Variants in CCDC169 observed in about 807,000 individuals in gnomAD.
CCDC169 encodes coiled-coil domain-containing protein 169.
Under a neutral mutation model 36.0 loss-of-function variants are expected in CCDC169, and 30 were observed. The ratio of observed to expected loss-of-function variants is 0.83; its 90% CI spans 0.62 to 1.13. CCDC169 has a LOEUF of 1.13. CCDC169 is among the 50% of genes most tolerant of loss of function. CCDC169 has a pLI of 0.00. For missense variants in CCDC169, 245 were observed against 245.9 expected (o/e 1.00, Z 0.03); for synonymous variants, 85 against 81.5 (o/e 1.04, Z -0.23).
downstream of CCDC169, chr13:36,225,651 A>C (rs1303903469): frequency 6.6e-6 from 1 of 152,198 alleles, no homozygotes; most frequent in Admixed American, 6.5e-5. Context: ...GAGTAAACAG[A>C]AAACCTACAG....
chr13:36,233,840 C>CA (rs1319545858), intron 7 of CCDC169, among the ~76,000 whole-genome samples: 1 of 152,154 alleles, frequency 6.6e-6, no homozygotes, highest in Non-Finnish European at 1.5e-5. Context: ...TTTAAAATGT[C>CA]AGTCTCTTGG....
intron 4 of CCDC169, among the ~76,000 whole-genome samples, chr13:36,273,051 TTCCTCA>T (rs1248667341): frequency 6.6e-6 from 1 of 152,206 alleles, no homozygotes; most frequent in Admixed American, 6.5e-5. Flanking sequence ...CTGTTGTTGT[TTCCTCA>T]ACTTCTATCA....
intron 4 of CCDC169, among the ~76,000 whole-genome samples, chr13:36,260,238 A>G (rs1874451688): frequency 6.6e-6 from 1 of 152,206 alleles, no homozygotes; most frequent in Middle Eastern, 3.2e-3. Flanking sequence ...GAGGGTAAAC[A>G]ATTATTATAT....
At position 36,231,233 on chromosome 13, in the gene CCDC169, T is replaced by G. The variant is rs780039653; in HGVS notation, c.605A>C (p.Lys202Thr). 12 of 1,551,378 alleles carry G rather than the reference T, an allele frequency of 7.7e-6. 1 individual carries two copies. The South Asian group carries it at 1.4e-4, about 18-fold the overall frequency. ...TGGAAGATGGTTTGGTCTTGTAATCTTTTTTACTGGTCCTCTCTTGGCACT... is the reference window on the plus strand; with the variant it reads ...TGGAAGATGGTTTGGTCTTGTAATCGTTTTTACTGGTCCTCTCTTGGCACT... The part of the protein sequence containing the change: ...TVSAKRGPVK[K>T]ITRPNHLPEL... The change falls in exon 8 of 8, where the codon AAG (lysine) becomes ACG (threonine). Residue 202 changes from lysine to threonine, a missense_variant. Physicochemically the swap from Lys to Thr is moderately conservative, Grantham distance 78. Coordinates refer to ENST00000239859, the MANE Select transcript of CCDC169 (RefSeq NM_001144981.3).
chr13:36,241,877 C>T (rs1359550597), intron 7 of CCDC169, among the ~76,000 whole-genome samples: 1 of 152,082 alleles, frequency 6.6e-6, no homozygotes, highest in African/African-American at 2.4e-5. Context: ...GGGGGAGTGA[C>T]CCAGTGGGAG....
downstream of CCDC169, chr13:36,223,190 T>C (rs937163183): frequency 3.3e-5 from 5 of 152,232 alleles, no homozygotes; most frequent in African/African-American, 1.2e-4. Context: ...ATATATTTTA[T>C]GGAGTTATTT....
At chr13:36,229,418 T>A (rs1870179623), downstream of CCDC169, among the ~76,000 whole-genome samples, 1 of 152,152 alleles carries the variant, frequency 6.6e-6, no homozygotes, top group African/African-American at 2.4e-5. Context: ...GATGTTCAAC[T>A]GATATTTTAT....
downstream of CCDC169, among the ~76,000 whole-genome samples, chr13:36,230,554 G>C (rs1870305048): frequency 6.6e-6 from 1 of 152,180 alleles, no homozygotes; most frequent in African/African-American, 2.4e-5. Context: ...CCTTATGATT[G>C]AATAAATATT....
chr13:36,272,646 A>G (rs568470124), intron 4 of CCDC169, among the ~76,000 whole-genome samples: 2 of 152,132 alleles, frequency 1.3e-5, no homozygotes, highest in Non-Finnish European at 2.9e-5. Context: ...CTCCTACCCC[A>G]TAAGGTTTAA....
intron 4 of CCDC169, among the ~76,000 whole-genome samples, chr13:36,255,412 C>T (rs1345006562): frequency 6.6e-6 from 1 of 152,158 alleles, no homozygotes; most frequent in East Asian, 1.9e-4. Context: ...ACCTGTAATC[C>T]CAGCACTTTG....
At chr13:36,257,487 C>T (rs941546471) in intron 4 of CCDC169, among the ~76,000 whole-genome samples, 8 of 124,150 alleles carry the variant, frequency 6.4e-5, no homozygotes, top group Non-Finnish European at 1.0e-4. Context: ...AGGCAGATCA[C>T]GAGGTCAAGA....
intron 2 of CCDC169, among the ~76,000 whole-genome samples, chr13:36,286,405 A>C (rs1000257822): frequency 3.9e-5 from 6 of 152,164 alleles, no homozygotes; most frequent in African/African-American, 1.4e-4. Flanking sequence ...CAGTGAAACT[A>C]TATGAGCATT....
At chr13:36,293,684 C>T (rs1879166677) in intron 2 of CCDC169, among the ~76,000 whole-genome samples, 1 of 152,116 alleles carries the variant, frequency 6.6e-6, no homozygotes, top group African/African-American at 2.4e-5. Context: ...GCAGCCCTAG[C>T]TGAGCTTCCA....
chr13:36,246,631 C>T (rs1872530229), intron 7 of CCDC169, among the ~76,000 whole-genome samples: 1 of 152,302 alleles, frequency 6.6e-6, no homozygotes. Context: ...TGATGTCACA[C>T]CTGTTGCTGC....
At chr13:36,287,292 A>G (rs1878368917) in intron 2 of CCDC169, among the ~76,000 whole-genome samples, 1 of 152,184 alleles carries the variant, frequency 6.6e-6, no homozygotes. Context: ...ATAAAAAATA[A>G]CAAGGGTAAA....
chr13:36,265,075 T>A (rs908760680), intron 4 of CCDC169, among the ~76,000 whole-genome samples: 3 of 152,340 alleles, frequency 2.0e-5, no homozygotes. Context: ...ATTTGTCTAT[T>A]CTTCCTCCAG....
In CCDC169 at chr13:36,283,469, C is replaced by T. The variant is rs1223528442; in HGVS notation, c.315G>A (p.Val105=). The stretch of plus-strand genomic sequence containing the variant: ...TGTGTTTAATCACATTTCTACTCAC[C>T]ACTGGCATTCGTTCATAGACACGAA... ...SSIRVYERMP[V]ESLNTLLKQL... Residue 105 remains valine (V), a splice_region_variant and synonymous_variant, in exon 4 of 8, where the codon GTG becomes GTA. Transcript: ENST00000239859. 12 of 1,548,320 alleles carry T rather than the reference C, an allele frequency of 7.8e-6. No individual in the cohort carries two copies. Among genetic ancestry groups the T allele is most frequent in the Non-Finnish European group, 1.0e-5 (12 of 1,144,584 alleles).
chr13:36,234,099 A>G (rs1566058190), intron 7 of CCDC169, among the ~76,000 whole-genome samples: 1 of 152,098 alleles, frequency 6.6e-6, no homozygotes, highest in African/African-American at 2.4e-5. Context: ...TGCTCCCAAA[A>G]CCTTTTTTAA....
In CCDC169 at chr13:36,230,938, G is replaced by A; in HGVS notation, c.*255C>T. 8.4e-7 allele frequency: 1 copy of A among 1,186,478 alleles called. No homozygotes were observed. Among genetic ancestry groups the A allele is most frequent in the Non-Finnish European group, 1.0e-6 (1 of 957,436 alleles). The allele number at this position is 1,186,478 out of a possible 1,614,324, so 73.5% of individuals were successfully genotyped here. ...CATGGGTATATTATTGAAAGCAAGT[G>A]TAATGATGCCAGCCTTCAGATTCCC... is the stretch of plus-strand genomic sequence containing the variant. On this transcript the variant is annotated 3_prime_UTR_variant, in exon 8 of 8. Transcript: ENST00000239859.
Sources: gnomAD v4.1 joint callset for allele counts (sites outside exome capture counted in the v4.1 genomes callset) on GRCh38, gnomAD v4.1.1 for gene constraint, MANE v1.5 for transcripts, NCBI Gene and HGNC (gene_info 2026-07-23, HGNC 2026-07-21) for gene names.